PARP11: variants seen among roughly 807,000 people sequenced by gnomAD.
PARP11 encodes the protein poly(ADP-ribose) polymerase family member 11.
A neutral mutation model predicts 42.9 loss-of-function variants in PARP11; 31 were observed. That is an observed-to-expected ratio of 0.72 (90% CI 0.54 to 0.98). The LOEUF (loss-of-function observed/expected upper bound fraction) is 0.98, where lower values mean the gene tolerates loss of function less well. Ranked by LOEUF, PARP11 falls within the 50% of genes least tolerant of loss-of-function variation. The pLI is 0.00. For synonymous variants in PARP11, 137 were observed against 127.3 expected, an observed-to-expected ratio of 1.08 and a Z score of -0.51; for missense variants, 365 against 413.1, an observed-to-expected ratio of 0.88 and a Z score of 1.01.
intron 1 of PARP11, chr12:3,839,722 C>T: frequency 1.9e-6 from 2 of 1,065,932 alleles, no homozygotes; most frequent in South Asian, 2.5e-5. Flanking sequence ...AAAGGTGTTA[C>T]TGTGTTTTTC....
At chr12:3,829,164 A>T (rs1282516424) in intron 2 of PARP11, 134 bp from the exon 3 acceptor site, 9 of 840,284 alleles carry the variant, frequency 1.1e-5, no homozygotes, top group East Asian at 2.5e-5. Context: ...TCTAGTTCCC[A>T]ACACACAGGG....
chr12:3,850,617 G>A (rs1273969382), intron 1 of PARP11, among the ~76,000 whole-genome samples: 4 of 152,152 alleles, frequency 2.6e-5, no homozygotes, highest in African/African-American at 9.7e-5. Context: ...TGCCCCACAA[G>A]AGGCCAATAT....
At chr12:3,825,851 C>T (rs76063115) in intron 4 of PARP11, among the ~76,000 whole-genome samples, 2 of 152,026 alleles carry the variant, frequency 1.3e-5, no homozygotes, top group African/African-American at 2.4e-5. Context: ...CTCAGCCTCC[C>T]GAGTAGCTGG....
intron 1 of PARP11, among the ~76,000 whole-genome samples, chr12:3,834,325 GCCTAAGGGC>G (rs1947711781): frequency 1.3e-5 from 2 of 152,148 alleles, no homozygotes; most frequent in South Asian, 4.1e-4. Flanking sequence ...AGAACCCCAT[GCCTAAGGGC>G]ATTATCAAAA....
intron 1 of PARP11, among the ~76,000 whole-genome samples, chr12:3,837,769 G>A (rs1947798084): frequency 6.6e-6 from 1 of 151,788 alleles, no homozygotes. Context: ...GATGTTCCAC[G>A]CAATTGGAAA....
intron 1 of PARP11, among the ~76,000 whole-genome samples, 166 bp downstream of exon 1, chr12:3,873,046 C>G (rs1948521550): frequency 6.6e-6 from 1 of 152,326 alleles, no homozygotes; most frequent in South Asian, 2.1e-4. Context: ...ACTTCCACTG[C>G]TTAAAAAGGT....
chr12:3,868,005 G>C (rs1370314017), intron 1 of PARP11, among the ~76,000 whole-genome samples: 1 of 152,142 alleles, frequency 6.6e-6, no homozygotes, highest in African/African-American at 2.4e-5. Context: ...ATCTATAATT[G>C]TGGCACAACA....
In PARP11 at chr12:3,822,125, G is replaced by A; in HGVS notation, c.377C>T (p.Pro126Leu). 2 of 1,613,918 alleles carry A rather than the reference G, an allele frequency of 1.2e-6. No individual in the cohort carries two copies. The highest frequency in any genetic ancestry group is 8.5e-7 in the Non-Finnish European group (1 of 1,179,846). ...AGTATTCACATTCTCCCAGTGTGGT[G>A]GCATAGGGATGGCCTCGTTTTCACA... ...YICENEAIPM[P>L]PHWENVNTQV... Residue 126 changes from proline to leucine, a missense_variant, in exon 5 of 8, where the codon CCA becomes CTA. Physicochemically the swap from Pro to Leu is moderately conservative, Grantham distance 98. Coordinates refer to ENST00000228820, the MANE Select transcript of PARP11 (RefSeq NM_020367.6).
At position 3,823,714 on chromosome 12, in the gene PARP11, G is replaced by A. The variant is rs185572472; in HGVS notation, c.345-1557C>T. Reference sequence around the variant, plus strand: ...ATGGATTGCCTGAGCTTAGGAGTTCGAGACCAGCCTGGGCAACAGAGTGAA... The same window carrying A: ...ATGGATTGCCTGAGCTTAGGAGTTCAAGACCAGCCTGGGCAACAGAGTGAA... On this transcript the variant is annotated intron_variant, in intron 4 of 7. Coordinates refer to ENST00000228820, the MANE Select transcript of PARP11 (RefSeq NM_020367.6). Among the ~76,000 whole-genome samples the A allele has an allele frequency of 9.3e-4, 141 of 152,240 alleles. 3 individuals carry two copies. In the East Asian group the frequency reaches 0.018, roughly 19 times the overall value.
intron 1 of PARP11, 24 bp downstream of exon 1, chr12:3,873,188 G>A (rs1948526791): frequency 5.5e-6 from 4 of 720,780 alleles, no homozygotes; most frequent in Non-Finnish European, 8.9e-6. Context: ...CCCTGGGCCC[G>A]CCCCGTCCCG....
At chr12:3,859,811 C>T (rs7308098) in intron 1 of PARP11, among the ~76,000 whole-genome samples, 11,892 of 152,090 alleles carry the variant, frequency 0.078, 1,033 homozygotes, top group African/African-American at 0.21. Context: ...ATACTAATGC[C>T]AGGCAAAATA....
At chr12:3,841,689 G>T in intron 1 of PARP11, 2 of 1,613,430 alleles carry the variant, frequency 1.2e-6, no homozygotes, top group Non-Finnish European at 1.7e-6. Flanking sequence ...TGTTCCCCCA[G>T]CCATCTTTTG....
Position 3,840,867 on chromosome 12 carries a change from A to G in PARP11, c.19-10849T>C. 6.3e-7 allele frequency: 1 copy of G among 1,599,832 alleles called. No homozygotes were observed. Among genetic ancestry groups the G allele is most frequent in the African/African-American group, 1.3e-5 (1 of 74,784 alleles). The stretch of plus-strand genomic sequence containing the variant: ...CTCCTGCAGAACAAAAGCCAGCAGA[A>G]CATGTGTCTTTGTCAAATCCAGCTC... On this transcript the variant is annotated intron_variant, in intron 1 of 7. Transcript: ENST00000228820. This position sits in a 1 kb window ranked among gnomAD's most constrained non-coding sequence, Gnocchi z 4.4.
chr12:3,836,720 G>A (rs1279032803), intron 1 of PARP11, among the ~76,000 whole-genome samples: 1 of 152,066 alleles, frequency 6.6e-6, no homozygotes, highest in Non-Finnish European at 1.5e-5. Context: ...CAAGATTATC[G>A]CCAGCAATAT....
intron 1 of PARP11, chr12:3,863,778 G>A (rs1035865799): frequency 6.6e-6 from 1 of 152,182 alleles, no homozygotes; most frequent in Non-Finnish European, 1.5e-5. Flanking sequence ...GAGCCAAAGT[G>A]TACAGGGCTT....
intron 1 of PARP11, among the ~76,000 whole-genome samples, chr12:3,847,196 A>C (rs1948020862): frequency 6.6e-6 from 1 of 152,228 alleles, no homozygotes; most frequent in African/African-American, 2.4e-5. Flanking sequence ...CTCCCATCAA[A>C]GAAAAGCTCA....
chr12:3,843,910 C>T (rs1312306167), intron 1 of PARP11, among the ~76,000 whole-genome samples: 1 of 152,186 alleles, frequency 6.6e-6, no homozygotes, highest in Admixed American at 6.5e-5. Context: ...TTTCTCTTTG[C>T]ATACCATGTG....
intron 1 of PARP11, among the ~76,000 whole-genome samples, chr12:3,835,174 C>A (rs1947731757): frequency 6.6e-6 from 1 of 152,150 alleles, no homozygotes; most frequent in Non-Finnish European, 1.5e-5. Flanking sequence ...CCAAGCCACA[C>A]ACACATTTAA....
At chr12:3,843,552 GATA>G (rs950693023) in intron 1 of PARP11, among the ~76,000 whole-genome samples, 1 of 152,304 alleles carries the variant, frequency 6.6e-6, no homozygotes, top group South Asian at 2.1e-4. Context: ...TCGTATAGAA[GATA>G]ATATGATTGT....
Sources: gnomAD v4.1 joint callset for allele counts (sites outside exome capture counted in the v4.1 genomes callset) on GRCh38, gnomAD v4.1.1 for gene constraint, Gnocchi (gnomAD v3.1) non-coding constraint, MANE v1.5 for transcripts, NCBI Gene and HGNC (gene_info 2026-07-23, HGNC 2026-07-21) for gene names.